The following DNAH12 variants were observed in gnomAD, a reference collection of about 807,000 sequenced individuals.
The protein encoded by DNAH12 is axonemal beta dynein heavy chain 12.
A neutral mutation model predicts 371.5 loss-of-function variants in DNAH12; 285 were observed. The observed-to-expected ratio is 0.77, with a 90% CI of 0.70 to 0.85. The LOEUF is 0.85. Ranked by LOEUF, DNAH12 falls within the 40% of genes least tolerant of loss-of-function variation. The pLI is 0.00. For missense variants in DNAH12, 3,611 were observed against 3,689.4 expected (o/e 0.98, Z 0.55); for synonymous variants, 1,200 against 1,213.0 (o/e 0.99, Z 0.22).
chr3:57,314,422 C>G, intron 66 of DNAH12, 72 bp downstream of exon 66: 2 of 1,534,050 alleles, frequency 1.3e-6, no homozygotes, highest in Non-Finnish European at 1.8e-6. Context: ...ATCAGCTATT[C>G]CAAGCAAAAG....
At chr3:57,382,827 A>T (rs2063422617) in intron 49 of DNAH12, among the ~76,000 whole-genome samples, 1 of 152,212 alleles carries the variant, frequency 6.6e-6, no homozygotes, top group African/African-American at 2.4e-5. Flanking sequence ...CTATTTTCTA[A>T]AAAGGTATAT....
At chr3:57,411,303 G>A (rs978736929) in intron 39 of DNAH12, among the ~76,000 whole-genome samples, 3 of 151,990 alleles carry the variant, frequency 2.0e-5, no homozygotes, top group African/African-American at 7.2e-5. Context: ...CGAGGAAGGT[G>A]GATCACTTGA....
intron 45 of DNAH12, among the ~76,000 whole-genome samples, chr3:57,390,698 G>A (rs901471050): frequency 4.0e-5 from 6 of 151,614 alleles, no homozygotes; most frequent in African/African-American, 1.5e-4. Context: ...TATTAAACAG[G>A]CAGTGACAGT....
At chr3:57,299,345 C>T (rs2061299180) in intron 70 of DNAH12, among the ~76,000 whole-genome samples, 1 of 152,104 alleles carries the variant, frequency 6.6e-6, no homozygotes, top group Non-Finnish European at 1.5e-5. Context: ...CTCATTTACT[C>T]TATAAAATAA....
chr3:57,522,558 A>AAAAACC (rs2068489159), intron 4 of DNAH12, among the ~76,000 whole-genome samples: 1 of 152,212 alleles, frequency 6.6e-6, no homozygotes, highest in South Asian at 2.1e-4. Context: ...AGAGCATTTT[A>AAAAACC]AAAACCAAAA....
In DNAH12 at chr3:57,437,066, A is replaced by AT; in HGVS notation, c.4546-7dup. 1 of 1,510,972 alleles carries AT rather than the reference A, an allele frequency of 6.6e-7. No homozygotes were observed. The highest frequency in any genetic ancestry group is 8.9e-7 in the Non-Finnish European group (1 of 1,129,778). 93.6% of individuals were successfully genotyped at this position (1,510,972 alleles called of 1,614,324 possible). ...TGAGCACATTCCAAAAATTCCTGAA[A>AT]TAAAAAAAAGTAATGCATTTCTACA... On this transcript the variant is annotated splice_polypyrimidine_tract_variant and splice_region_variant and intron_variant, in intron 29 of 73. Transcript: ENST00000495027.
chr3:57,341,054 C>T lies in DNAH12; in HGVS notation c.9675-6114G>A, dbSNP rs1575477097. Among the ~76,000 whole-genome samples, 9 of 152,098 alleles carry T rather than the reference C, an allele frequency of 5.9e-5. No individual in the cohort carries two copies. The South Asian group carries it at 1.4e-3, about 25-fold the overall frequency. ...AAACAACACGATCATCTCAATAGAT[C>T]CAGAAAAAGCGTTTGATAAAATTCA... On this transcript the variant is annotated intron_variant, in intron 60 of 73. Coordinates refer to ENST00000495027, the MANE Select transcript of DNAH12 (RefSeq NM_001366028.2).
chr3:57,501,499 C>A, intron 10 of DNAH12, 87 bp from the exon 11 acceptor site: 1 of 855,916 alleles, frequency 1.2e-6, no homozygotes, highest in South Asian at 1.7e-5. Context: ...GAATGGGGAC[C>A]TACTCAATTA....
chr3:57,504,100 G>A lies in DNAH12; in HGVS notation c.1002C>T (p.Asp334=), dbSNP rs115105588. 1.1e-4 allele frequency: 171 copies of A among 1,613,708 alleles called. No individual in the cohort carries two copies. The highest frequency in any genetic ancestry group is 1.0e-3 in the East Asian group (47 of 44,840). ...AGGTAGGATAAAATTCCATTTTGTC[G>A]TCATCAAATGTCAATTCTATCTTAA... is the stretch of plus-strand genomic sequence containing the variant. ...PIFKIELTFD[D]DKMEFYPTFQ... The change falls in exon 9 of 74, where the codon GAC becomes GAT. Residue 334 remains aspartate (D), a synonymous_variant. Transcript: ENST00000495027.
chr3:57,421,585 G>A lies in DNAH12; in HGVS notation c.5495C>T (p.Pro1832Leu). The A allele has an allele frequency of 6.4e-7, 1 of 1,551,536 alleles. No homozygotes were observed. Among genetic ancestry groups the A allele is most frequent in the Non-Finnish European group, 8.7e-7 (1 of 1,146,962 alleles). The change falls in exon 36 of 74, where the codon CCA (proline) becomes CTA (leucine). Residue 1832 changes from proline (P) to leucine (L), a missense_variant. Pro to Leu is a moderately conservative substitution (Grantham distance 98, BLOSUM62 -3). This residue lies in a region of DNAH12 where 2,266 missense variants were observed against 2,236.9 expected (regional missense o/e 1.01). Transcript: ENST00000495027. ...ILGKDDENPV[P>L]DSVGKWECPF... is the part of the protein sequence containing the mutation. ...GCATTCCCATTTACCCACAGAATCT[G>A]GCACTGGGTTTTCATCATCTTTTCC... is the stretch of plus-strand genomic sequence containing the variant.
intron 55 of DNAH12, among the ~76,000 whole-genome samples, chr3:57,372,420 A>G (rs1039867988): frequency 6.6e-6 from 1 of 152,040 alleles, no homozygotes; most frequent in Non-Finnish European, 1.5e-5. Flanking sequence ...AGTTCCCAAA[A>G]TGGAAAAAAG....
At chr3:57,302,003 G>T in intron 69 of DNAH12, 64 bp from the exon 70 acceptor site, 2 of 1,485,270 alleles carry the variant, frequency 1.3e-6, no homozygotes, top group Non-Finnish European at 1.8e-6. Flanking sequence ...CTTTCCAGAA[G>T]AAGAACAGCA....
chr3:57,425,744 AAC>A (rs1332947870), intron 34 of DNAH12, among the ~76,000 whole-genome samples: 1 of 152,158 alleles, frequency 6.6e-6, no homozygotes, highest in Non-Finnish European at 1.5e-5. Flanking sequence ...CAAGAGAATA[AAC>A]AGTGTTCTAA....
Position 57,418,790 on chromosome 3 carries a change from T to C in DNAH12, c.5714+577A>G, listed in dbSNP as rs189266431. Among the ~76,000 whole-genome samples, 6 of 152,332 alleles carry C rather than the reference T, an allele frequency of 3.9e-5. No individual in the cohort carries two copies. In the South Asian group the frequency reaches 6.2e-4, roughly 16 times the overall value. On this transcript the variant is annotated intron_variant, in intron 37 of 73. Coordinates refer to ENST00000495027, the MANE Select transcript of DNAH12 (RefSeq NM_001366028.2). The stretch of plus-strand genomic sequence containing the variant: ...ATTATATAAACTTGTCTAGTTTAAA[T>C]AGTATGAATGGTAAATTATACCTAG...
At chr3:57,325,959 A>G (rs1028832832) in intron 62 of DNAH12, among the ~76,000 whole-genome samples, 37 of 152,224 alleles carry the variant, frequency 2.4e-4, no homozygotes, top group Admixed American at 2.2e-3. Context: ...GCTGGAAGAA[A>G]GGGTATCAGT....
At chr3:57,552,003 G>A in the DNAH12 span, among the ~76,000 whole-genome samples, 1 of 150,258 alleles carries the variant, frequency 6.7e-6, no homozygotes, top group South Asian at 2.1e-4. Context: ...CCAGCACTTT[G>A]GGAGGCTGAG....
chr3:57,436,722 G>T (rs751455259), intron 30 of DNAH12, among the ~76,000 whole-genome samples: 2 of 152,014 alleles, frequency 1.3e-5, no homozygotes, highest in African/African-American at 2.4e-5. Context: ...TGCAAATGGT[G>T]GTATTTATTA....
Position 57,293,846 on chromosome 3 carries a change from T to C in DNAH12, c.11818A>G (p.Thr3940Ala). Residue 3940 changes from threonine (T) to alanine (A), a missense_variant, in exon 74 of 74, where the codon ACA (threonine) becomes GCA (alanine). Thr to Ala is a moderately conservative substitution (Grantham distance 58, BLOSUM62 0). This residue lies in a region of DNAH12 where 2,266 missense variants were observed against 2,236.9 expected (regional missense o/e 1.01). Transcript: ENST00000495027. ...ATCCAGTGCCGAGTAGGTTGGTCTG[T>C]TTTTAACAACATTGCAATGACAAAG... is the stretch of plus-strand genomic sequence containing the variant. ...TNFVIAMLLK[T>A]DQPTRHWIKR... is the part of the protein sequence containing the mutation. 1 of 1,550,970 alleles carries C rather than the reference T, an allele frequency of 6.4e-7. No individual in the cohort carries two copies.
chr3:57,434,772 G>GAAT (rs1216612319), intron 30 of DNAH12, among the ~76,000 whole-genome samples: 7 of 152,032 alleles, frequency 4.6e-5, no homozygotes, highest in African/African-American at 1.7e-4. Flanking sequence ...AAGGAAATGA[G>GAAT]AATTTTAGGT....
Sources: allele counts gnomAD v4.1 joint callset (sites outside exome capture counted in the v4.1 genomes callset), GRCh38; gene constraint gnomAD v4.1.1; regional missense constraint gnomAD v4.1.1; transcripts MANE v1.5; gene names NCBI Gene and HGNC (gene_info 2026-07-23, HGNC 2026-07-21).